Variants in SLC24A2 observed in about 807,000 individuals in gnomAD.
The protein encoded by SLC24A2 is solute carrier family 24 member 2, also known as sodium/potassium/calcium exchanger 2.
A neutral mutation model predicts 62.0 loss-of-function variants in SLC24A2; 36 were observed. That is an observed-to-expected ratio of 0.58 (90% CI 0.44 to 0.77). The LOEUF (loss-of-function observed/expected upper bound fraction) is 0.77. SLC24A2 is among the 30% of genes least tolerant of loss of function. The probability of loss-of-function intolerance (pLI) is 0.00; values close to 1 mark genes in which losing one functional copy is unlikely to be tolerated. For synonymous variants in SLC24A2, 358 were observed against 294.0 expected (o/e 1.22, Z -2.23); for missense variants, 846 against 817.9 (o/e 1.03, Z -0.42).
chr9:20,192,000 C>A, the SLC24A2 span, among the ~76,000 whole-genome samples: 1 of 152,044 alleles, frequency 6.6e-6, no homozygotes, highest in Admixed American at 6.6e-5. Context: ...TCAGGTCCAA[C>A]CAAACCAAAG....
intron 9 of SLC24A2, among the ~76,000 whole-genome samples, chr9:19,524,488 C>G (rs1306132078): frequency 2.0e-5 from 3 of 149,638 alleles, no homozygotes; most frequent in Non-Finnish European, 4.4e-5. Flanking sequence ...TATTTTTTGC[C>G]AAACAGTAGC....
chr9:19,984,314 G>A, the SLC24A2 span, among the ~76,000 whole-genome samples: 2 of 151,978 alleles, frequency 1.3e-5, no homozygotes, highest in African/African-American at 2.4e-5. Context: ...AATATTGGAG[G>A]ACTCACACTT....
chr9:19,820,680 CTG>C, the SLC24A2 span, among the ~76,000 whole-genome samples: 15 of 149,730 alleles, frequency 1.0e-4, no homozygotes, highest in Admixed American at 2.7e-4. Context: ...ACTAAGGATT[CTG>C]TGTGTGTGTG....
the SLC24A2 span, among the ~76,000 whole-genome samples, chr9:19,851,011 A>ATATATATATACG: frequency 1.1e-4 from 5 of 45,294 alleles, no homozygotes; most frequent in Non-Finnish European, 1.5e-4. Context: ...ACACATACAT[A>ATATATATATACG]TATATATATA....
chr9:20,209,666 C>T, the SLC24A2 span, among the ~76,000 whole-genome samples: 34 of 152,264 alleles, frequency 2.2e-4, no homozygotes, highest in African/African-American at 7.9e-4. Flanking sequence ...CAAACGCCAG[C>T]CACACTCACC....
the SLC24A2 span, among the ~76,000 whole-genome samples, chr9:19,835,927 C>G: frequency 3.3e-5 from 5 of 152,160 alleles, no homozygotes; most frequent in Non-Finnish European, 7.3e-5. Context: ...GAAACTCATT[C>G]AAAAACACTC....
At chr9:19,668,657 C>T (rs7018786) in intron 2 of SLC24A2, among the ~76,000 whole-genome samples, 125,646 of 152,168 alleles carry the variant, frequency 0.83, 51,948 homozygotes, top group East Asian at 0.94. Context: ...CGCCTGCCTC[C>T]GACATTTTCT....
At chr9:19,976,660 C>A in the SLC24A2 span, among the ~76,000 whole-genome samples, 1 of 152,104 alleles carries the variant, frequency 6.6e-6, no homozygotes, top group African/African-American at 2.4e-5. Flanking sequence ...AATGACTTAA[C>A]GTATAGAGAA....
At chr9:19,946,225 A>C in the SLC24A2 span, among the ~76,000 whole-genome samples, 9 of 152,054 alleles carry the variant, frequency 5.9e-5, no homozygotes, top group African/African-American at 1.2e-4. Context: ...CTGCTCAATA[A>C]TTAAGTGGAG....
chr9:20,010,709 G>A, the SLC24A2 span, among the ~76,000 whole-genome samples: 11,471 of 151,502 alleles, frequency 0.076, 1,327 homozygotes, highest in African/African-American at 0.25. Context: ...TGCTGCACGC[G>A]TTAACTCGTC....
At chr9:19,726,610 T>A (rs1821178224) in intron 2 of SLC24A2, among the ~76,000 whole-genome samples, 1 of 152,224 alleles carries the variant, frequency 6.6e-6, no homozygotes, top group South Asian at 2.1e-4. Context: ...GCTCTCTTCA[T>A]AATGATTATC....
intron 2 of SLC24A2, among the ~76,000 whole-genome samples, chr9:19,669,751 C>T (rs779291307): frequency 1.3e-5 from 2 of 152,206 alleles, no homozygotes; most frequent in African/African-American, 4.8e-5. Flanking sequence ...CCTTAAGGAC[C>T]CTTGTGATGA....
chr9:19,785,821 T>A, intron 2 of SLC24A2, 116 bp downstream of exon 2: 1 of 1,337,004 alleles, frequency 7.5e-7, no homozygotes. Flanking sequence ...AGAATCAATC[T>A]GCTATCCACA....
At chr9:19,914,509 T>C in the SLC24A2 span, among the ~76,000 whole-genome samples, 1 of 152,090 alleles carries the variant, frequency 6.6e-6, no homozygotes, top group Non-Finnish European at 1.5e-5. Flanking sequence ...ATAATATACA[T>C]TTCCTTCTGT....
chr9:19,597,446 G>A (rs184164958), intron 4 of SLC24A2, among the ~76,000 whole-genome samples, 167 bp from the exon 5 acceptor site: 2 of 152,230 alleles, frequency 1.3e-5, no homozygotes, highest in Admixed American at 6.5e-5. Context: ...CAGCTTTCAC[G>A]GCCCATTTTC....
the SLC24A2 span, among the ~76,000 whole-genome samples, chr9:20,019,997 A>T: frequency 1.3e-5 from 2 of 152,212 alleles, no homozygotes; most frequent in African/African-American, 4.8e-5. Flanking sequence ...TCATTAGAGA[A>T]ATGCAAATCA....
chr9:19,519,626 A>G (rs1833094889), intron 10 of SLC24A2, among the ~76,000 whole-genome samples: 1 of 152,238 alleles, frequency 6.6e-6, no homozygotes, highest in African/African-American at 2.4e-5. Flanking sequence ...ATAGCAATGC[A>G]GTAAGCTCTG....
the SLC24A2 span, among the ~76,000 whole-genome samples, chr9:20,286,193 A>G: frequency 3.9e-5 from 6 of 152,198 alleles, no homozygotes; most frequent in Non-Finnish European, 1.5e-5. Flanking sequence ...TCTTTGTATC[A>G]GTTAGGAATA....
rs1832887053 is a variant in SLC24A2, at chr9:19,515,488, C to T, written c.*665G>A. On this transcript the variant is annotated 3_prime_UTR_variant, in exon 11 of 11. Coordinates refer to ENST00000341998, the MANE Select transcript of SLC24A2 (RefSeq NM_020344.4). ...GCAAGCTATTTCCCTAAACCATCTA[C>T]CTTACTAGGCAGGATCACAGCAAGT... 1.3e-5 allele frequency: 2 copies of T among 152,162 alleles called. No homozygotes were observed. Among genetic ancestry groups the T allele is most frequent in the African/African-American group, 4.8e-5 (2 of 41,384 alleles). The allele number at this position is 152,162 out of a possible 1,614,324, so 9.4% of individuals were successfully genotyped here.
Sources: gnomAD v4.1 joint callset for allele counts (sites outside exome capture counted in the v4.1 genomes callset) on GRCh38, gnomAD v4.1.1 for gene constraint, MANE v1.5 for transcripts, NCBI Gene and HGNC (gene_info 2026-07-23, HGNC 2026-07-21) for gene names.